PTPN5: variants seen among roughly 807,000 people sequenced by gnomAD.
PTPN5 encodes protein tyrosine phosphatase non-receptor type 5, also known as tyrosine-protein phosphatase non-receptor type 5.
Under a neutral mutation model 73.9 loss-of-function variants are expected in PTPN5, and 29 were observed. The ratio of observed to expected loss-of-function variants is 0.39; its 90% confidence interval spans 0.29 to 0.54. The LOEUF is 0.54. PTPN5 is among the 20% of genes least tolerant of loss of function. The probability of loss-of-function intolerance (pLI) is 0.65; values close to 1 mark genes in which losing one functional copy is unlikely to be tolerated. For synonymous variants in PTPN5, 267 were observed against 304.7 expected (o/e 0.88, Z 1.29); for missense variants, 652 against 751.4 (o/e 0.87, Z 1.55).
intron 3 of PTPN5, among the ~76,000 whole-genome samples, chr11:18,761,180 AGTCT>A (rs1373327748): frequency 6.6e-6 from 1 of 152,150 alleles, no homozygotes; most frequent in Admixed American, 6.5e-5. Flanking sequence ...CCTGCCCACG[AGTCT>A]GCATGATGAT....
chr11:18,763,736 A>G (rs570116725), intron 3 of PTPN5, among the ~76,000 whole-genome samples: 5 of 152,346 alleles, frequency 3.3e-5, no homozygotes, highest in Admixed American at 3.3e-4. Context: ...TAGGTGCTCA[A>G]TAAGTACTTG....
intron 1 of PTPN5, among the ~76,000 whole-genome samples, chr11:18,781,108 G>A (rs1245436774): frequency 6.6e-6 from 1 of 152,002 alleles, no homozygotes; most frequent in Non-Finnish European, 1.5e-5. Context: ...CCTCCTCCAG[G>A]CAGCCTTCTG....
rs1001134431 is a variant in PTPN5 at position 18,733,146 on chromosome 11, G to A, written c.1218+89C>T. The A allele has an allele frequency of 5.2e-6, 8 of 1,539,900 alleles. No homozygotes were observed. The highest frequency in any genetic ancestry group is 4.1e-5 in the African/African-American group (3 of 73,700). On this transcript the variant is annotated intron_variant, in intron 11 of 14. Coordinates refer to ENST00000358540, the MANE Select transcript of PTPN5 (RefSeq NM_006906.2). The surrounding 1 kb of genome is among the most constrained non-coding windows in gnomAD (Gnocchi z 4.3). ...GCGGAGTGAACACCGCCGACCTCTT[G>A]AGATTGTCATAAAGATTAATTTGAG...
intron 1 of PTPN5, among the ~76,000 whole-genome samples, chr11:18,781,117 T>G (rs1851399576): frequency 6.6e-6 from 1 of 152,134 alleles, no homozygotes; most frequent in Admixed American, 6.5e-5. Flanking sequence ...GGCAGCCTTC[T>G]GAGATTGACT....
chr11:18,732,924 T>A (rs1848950166), intron 11 of PTPN5, among the ~76,000 whole-genome samples: 2 of 152,206 alleles, frequency 1.3e-5, no homozygotes, highest in African/African-American at 4.8e-5. Flanking sequence ...AGGACTTTTA[T>A]GGAGATTCGG....
intron 2 of PTPN5, among the ~76,000 whole-genome samples, chr11:18,766,554 C>A (rs1401307671): frequency 1.3e-5 from 2 of 152,192 alleles, no homozygotes; most frequent in Admixed American, 1.3e-4. Context: ...TGTTTCCTTC[C>A]TGAAATCAGA....
chr11:18,740,528 C>T (rs978108554), intron 8 of PTPN5, 75 bp downstream of exon 8: 41 of 1,312,106 alleles, frequency 3.1e-5, no homozygotes, highest in Non-Finnish European at 3.6e-5. Context: ...CCAGGCACCA[C>T]GCTCCACCAC....
At position 18,733,415 on chromosome 11, in the gene PTPN5, CTCCCAGGACCCCA is replaced by C; in HGVS notation, c.1081-56_1081-44del. ...CAGGCTGTCAGGGTCAGAGGCAGTGCTCCCAGGACCCCATCCCCACACTCAGGCTCTTCACAGG... is the reference window on the plus strand; with the variant it reads ...CAGGCTGTCAGGGTCAGAGGCAGTGCTCCCCACACTCAGGCTCTTCACAGG... On this transcript the variant is annotated intron_variant, in intron 10 of 14. Transcript: ENST00000358540. The surrounding 1 kb of genome is among the most constrained non-coding windows in gnomAD (Gnocchi z 4.3). 1 of 1,609,372 alleles carries C rather than the reference CTCCCAGGACCCCA, an allele frequency of 6.2e-7. No individual in the cohort carries two copies.
intron 3 of PTPN5, among the ~76,000 whole-genome samples, chr11:18,745,680 G>T (rs930699042): frequency 9.2e-5 from 14 of 151,886 alleles, no homozygotes; most frequent in Admixed American, 3.3e-4. Flanking sequence ...ATCATCAGCA[G>T]CAGCAGCAAT....
chr11:18,768,399 C>T (rs1029404919), intron 2 of PTPN5, among the ~76,000 whole-genome samples: 2 of 152,232 alleles, frequency 1.3e-5, no homozygotes, highest in Admixed American at 6.5e-5. Flanking sequence ...AGCACCCACC[C>T]CCAACCTTCC....
intron 1 of PTPN5, among the ~76,000 whole-genome samples, chr11:18,774,932 T>C (rs1158464969): frequency 2.0e-5 from 3 of 152,228 alleles, no homozygotes; most frequent in Admixed American, 1.3e-4. Context: ...TCGGACCACC[T>C]GTTCAGTAAC....
At chr11:18,769,873 C>T (rs1850799940) in intron 2 of PTPN5, among the ~76,000 whole-genome samples, 1 of 152,152 alleles carries the variant, frequency 6.6e-6, no homozygotes, top group Non-Finnish European at 1.5e-5. Context: ...GGGGCTAGGC[C>T]TCAGCAGAGG....
Position 18,740,621 on chromosome 11 carries a change from C to G in PTPN5, c.897G>C (p.Leu299=), listed in dbSNP as rs1251430939. 1.0e-5 allele frequency: 16 copies of G among 1,573,400 alleles called. No homozygotes were observed. The highest frequency in any genetic ancestry group is 1.4e-5 in the Non-Finnish European group (16 of 1,159,460). The change falls in exon 8 of 15, where the codon CTG becomes CTC. Residue 299 remains leucine (L), a synonymous_variant. Transcript: ENST00000358540. The part of the protein sequence containing the change: ...ELHEKALDPF[L]LQAEFFEIPM... Reference sequence around the variant, plus strand: ...AACTCACAAAGAATTCCGCCTGCAGCAGGAAAGGGTCCAGGGCCTTTTCAT... The same window carrying G: ...AACTCACAAAGAATTCCGCCTGCAGGAGGAAAGGGTCCAGGGCCTTTTCAT...
intron 2 of PTPN5, among the ~76,000 whole-genome samples, chr11:18,769,006 G>T (rs1437944428): frequency 6.6e-6 from 1 of 152,174 alleles, no homozygotes; most frequent in Non-Finnish European, 1.5e-5. Flanking sequence ...TTGCTGGGCT[G>T]CCCCCACCAC....
Position 18,778,043 on chromosome 11 carries a change from C to T in PTPN5, c.-113-5972G>A, listed in dbSNP as rs1564929508. On this transcript the variant is annotated intron_variant, in intron 1 of 14. Transcript: ENST00000358540. Reference sequence around the variant, plus strand: ...GGAAGGAAGGGCCCTGATTTGTGCCCTCTGCCAATTTTCATGGTGTAAATG... The same window carrying T: ...GGAAGGAAGGGCCCTGATTTGTGCCTTCTGCCAATTTTCATGGTGTAAATG... 3.9e-5 allele frequency among the ~76,000 whole-genome samples: 6 copies of T among 151,942 alleles called. No individual in the cohort carries two copies. In the South Asian group the frequency reaches 1.0e-3, roughly 27 times the overall value.
intron 3 of PTPN5, among the ~76,000 whole-genome samples, chr11:18,764,535 A>C (rs1315159987): frequency 6.6e-6 from 1 of 152,002 alleles, no homozygotes; most frequent in Non-Finnish European, 1.5e-5. Context: ...ATAAAATACC[A>C]CTTATTTTGA....
chr11:18,790,098 C>T (rs1191158566), intron 1 of PTPN5, among the ~76,000 whole-genome samples: 1 of 151,876 alleles, frequency 6.6e-6, no homozygotes, highest in Non-Finnish European at 1.5e-5. Context: ...ACACATCTCT[C>T]GGGGCACCCT....
At chr11:18,784,426 G>A (rs905584352) in intron 1 of PTPN5, among the ~76,000 whole-genome samples, 1 of 152,082 alleles carries the variant, frequency 6.6e-6, no homozygotes, top group Non-Finnish European at 1.5e-5. Flanking sequence ...CCACTTACAC[G>A]AGGCACCTAG....
At chr11:18,778,837 C>T (rs1851289627) in intron 1 of PTPN5, among the ~76,000 whole-genome samples, 1 of 152,186 alleles carries the variant, frequency 6.6e-6, no homozygotes, top group African/African-American at 2.4e-5. Context: ...CAGTCTGATA[C>T]ACCCCGGAAC....
Sources: allele counts gnomAD v4.1 joint callset (sites outside exome capture counted in the v4.1 genomes callset), GRCh38; gene constraint gnomAD v4.1.1; non-coding constraint Gnocchi (gnomAD v3.1); transcripts MANE v1.5; gene names NCBI Gene and HGNC (gene_info 2026-07-23, HGNC 2026-07-21).